The following PCDH11X variants were observed in gnomAD, a reference collection of about 807,000 sequenced individuals.
PCDH11X encodes protocadherin-11 X-linked.
A neutral mutation model predicts 53.3 loss-of-function variants in PCDH11X; 18 were observed. The ratio of observed to expected loss-of-function variants is 0.34; its 90% CI spans 0.23 to 0.50. The LOEUF is 0.50. Ranked by LOEUF, PCDH11X falls within the 20% of genes least tolerant of loss-of-function variation. PCDH11X has a pLI of 0.98. For synonymous variants in PCDH11X, 279 were observed against 393.3 expected, an observed-to-expected ratio of 0.71 and a Z score of 3.44; for missense variants, 570 against 1,032.4, an observed-to-expected ratio of 0.55 and a Z score of 6.14.
At chrX:92,255,521 T>A (rs1366413501) in intron 7 of PCDH11X, among the ~76,000 whole-genome samples, 1 of 108,567 alleles carries the variant, frequency 9.2e-6, no homozygotes, top group Non-Finnish European at 1.9e-5. Flanking sequence ...GGCGCTCTGA[T>A]TTTTAGAGTT....
At chrX:91,970,247 G>A (rs181133928) in intron 6 of PCDH11X, among the ~76,000 whole-genome samples, 52 of 111,390 alleles carry the variant, frequency 4.7e-4, no homozygotes, top group East Asian at 3.4e-3. Flanking sequence ...TCCACCACGT[G>A]GAAGGGGACC....
intron 6 of PCDH11X, among the ~76,000 whole-genome samples, chrX:92,069,330 T>A (rs1000794414): frequency 5.4e-5 from 6 of 110,863 alleles, no homozygotes; most frequent in African/African-American, 2.0e-4. Context: ...GAATATCTTT[T>A]TCCATCTTTT....
At chrX:92,014,306 A>G (rs2062750264) in intron 6 of PCDH11X, among the ~76,000 whole-genome samples, 1 of 112,347 alleles carries the variant, frequency 8.9e-6, no homozygotes, top group Non-Finnish European at 1.9e-5. Context: ...ACTGGCCATC[A>G]GAGAAATGCA....
At chrX:92,290,680 A>T (rs1212073910) in intron 8 of PCDH11X, among the ~76,000 whole-genome samples, 1 of 109,073 alleles carries the variant, frequency 9.2e-6, no homozygotes, top group East Asian at 2.9e-4. Context: ...TTTTCAAACT[A>T]GATAAATAAA....
At position 92,070,694 on chromosome X, in the gene PCDH11X, G is replaced by A. The variant is rs766577540; in HGVS notation, c.3034-130681G>A. Among the ~76,000 whole-genome samples the A allele has an allele frequency of 3.6e-5, 4 of 111,474 alleles. No homozygotes were observed. In the East Asian group the frequency reaches 1.1e-3, roughly 32 times the overall value. On this transcript the variant is annotated intron_variant, in intron 6 of 10. Transcript: ENST00000682573. ...TATTCTGTAACTTTCTTGTACTTGA[G>A]TGTTTATATCTTTCTCTAGGTTTGG... is the stretch of plus-strand genomic sequence containing the variant.
At chrX:92,578,257 G>T (rs1425639012) in intron 10 of PCDH11X, among the ~76,000 whole-genome samples, 2 of 103,482 alleles carry the variant, frequency 1.9e-5, no homozygotes, top group Admixed American at 2.1e-4. Flanking sequence ...AATACCTAAT[G>T]GAGATGATGA....
chrX:92,346,172 T>C (rs1306733477), intron 8 of PCDH11X, among the ~76,000 whole-genome samples: 2 of 111,014 alleles, frequency 1.8e-5, no homozygotes, highest in African/African-American at 6.5e-5. Context: ...GATTAAGTTC[T>C]TATGCCTTCC....
intron 4 of PCDH11X, among the ~76,000 whole-genome samples, chrX:91,818,847 T>C (rs902257750): frequency 9.9e-5 from 11 of 111,626 alleles, no homozygotes; most frequent in African/African-American, 3.6e-4. Context: ...CTTACAGTGA[T>C]CTGTCTACAC....
intron 8 of PCDH11X, among the ~76,000 whole-genome samples, chrX:92,385,820 T>TAAAAC (rs957596837): frequency 2.7e-5 from 3 of 111,242 alleles, no homozygotes; most frequent in Non-Finnish European, 3.8e-5. Context: ...AGACCCTGTC[T>TAAAAC]AAAACAAAAC....
At chrX:92,554,948 G>C (rs975824555) in intron 10 of PCDH11X, among the ~76,000 whole-genome samples, 9 of 111,188 alleles carry the variant, frequency 8.1e-5, no homozygotes, top group African/African-American at 2.9e-4. Context: ...GCCCTCCAAA[G>C]CCTCTCAATT....
At chrX:92,072,754 G>T (rs1276533169) in intron 6 of PCDH11X, among the ~76,000 whole-genome samples, 1 of 111,191 alleles carries the variant, frequency 9.0e-6, no homozygotes, top group Admixed American at 9.6e-5. Context: ...GCACTGCCTG[G>T]GGTAGGGGGT....
intron 6 of PCDH11X, among the ~76,000 whole-genome samples, chrX:92,004,769 T>C (rs1475342344): frequency 1.7e-5 from 1 of 57,974 alleles, no homozygotes; most frequent in Non-Finnish European, 2.8e-5. Context: ...TATGTGTGCC[T>C]TTTTTTTTTT....
At chrX:91,921,118 C>T in intron 6 of PCDH11X, among the ~76,000 whole-genome samples, 1 of 111,532 alleles carries the variant, frequency 9.0e-6, no homozygotes, top group Non-Finnish European at 1.9e-5. Flanking sequence ...CCAGAGCACT[C>T]AGAAATATTT....
intron 9 of PCDH11X, chrX:92,461,029 A>G: frequency 1.9e-6 from 1 of 528,565 alleles, no homozygotes; most frequent in Non-Finnish European, 3.1e-6. Flanking sequence ...AAAGATTTAA[A>G]CAATGAAAAC....
chrX:92,114,059 T>C (rs2064581162), intron 6 of PCDH11X: 4 of 1,184,196 alleles, frequency 3.4e-6, no homozygotes, highest in Non-Finnish European at 4.6e-6. Context: ...GTGCCCCTGA[T>C]ACAGGCATGA....
chrX:92,407,851 G>A (rs1199585899), intron 9 of PCDH11X, among the ~76,000 whole-genome samples: 13 of 110,953 alleles, frequency 1.2e-4, no homozygotes, highest in Non-Finnish European at 7.5e-5. Flanking sequence ...TGCAGATACT[G>A]GATACTATTA....
chrX:92,132,647 A>G (rs865915286), intron 6 of PCDH11X, among the ~76,000 whole-genome samples: 1 of 57,048 alleles, frequency 1.8e-5, no homozygotes, highest in African/African-American at 9.6e-5. Context: ...ATATATATAT[A>G]TATATATATG....
At chrX:92,554,181 A>C (rs1251592666) in intron 10 of PCDH11X, among the ~76,000 whole-genome samples, 1 of 98,183 alleles carries the variant, frequency 1.0e-5, no homozygotes, top group Non-Finnish European at 2.1e-5. Context: ...AAAACATACT[A>C]TTTATTGTAA....
At chrX:91,925,406 T>A (rs1285594052) in intron 6 of PCDH11X, among the ~76,000 whole-genome samples, 3 of 111,574 alleles carry the variant, frequency 2.7e-5, no homozygotes, top group African/African-American at 9.8e-5. Context: ...AAATCCTAAG[T>A]TGAACCATGG....
Sources: gnomAD v4.1 joint callset for allele counts (sites outside exome capture counted in the v4.1 genomes callset) on GRCh38, gnomAD v4.1.1 for gene constraint, MANE v1.5 for transcripts, NCBI Gene and HGNC (gene_info 2026-07-23, HGNC 2026-07-21) for gene names.